COL23A1: variants seen among roughly 807,000 people sequenced by gnomAD.
The protein encoded by COL23A1 is collagen alpha-1(XXIII) chain.
In COL23A1, 97 loss-of-function variants were observed where a neutral mutation model predicts 99.3. The observed-to-expected ratio is 0.98, with a 90% confidence interval of 0.83 to 1.16. COL23A1 has a LOEUF of 1.16. Ranked by LOEUF, COL23A1 falls within the 50% of genes most tolerant of loss-of-function variation. The pLI, the probability that COL23A1 is intolerant of heterozygous loss-of-function variation, is 0.00. For synonymous variants in COL23A1, 320 were observed against 308.2 expected (o/e 1.04, Z -0.40); for missense variants, 762 against 757.4 (o/e 1.01, Z -0.07).
rs1290400787 is a variant in COL23A1 at position 178,523,185 on chromosome 5, T to C, written c.361+37497A>G. Among the ~76,000 whole-genome samples the C allele has an allele frequency of 8.5e-3, 407 of 48,158 alleles. 4 individuals are homozygous for C. The highest frequency in any genetic ancestry group is 0.014 in the African/African-American group (207 of 14,410). 31.6% of individuals were successfully genotyped at this position (48,158 alleles called of 152,430 possible). On this transcript the variant is annotated intron_variant, in intron 2 of 28. Coordinates refer to ENST00000390654, the MANE Select transcript of COL23A1 (RefSeq NM_173465.4). ...ATACATATATATATATATACACATA[T>C]ATATATATATATATATAGAGAGAGA... is the stretch of plus-strand genomic sequence containing the variant.
intron 2 of COL23A1, among the ~76,000 whole-genome samples, chr5:178,431,246 C>T (rs1454738597): frequency 1.3e-5 from 2 of 152,140 alleles, no homozygotes; most frequent in African/African-American, 4.8e-5. Context: ...CAGGAACTGC[C>T]CTCCTGTCAC....
chr5:178,256,776 A>C (rs1408452728), intron 14 of COL23A1, 90 bp downstream of exon 14: 2 of 1,321,052 alleles, frequency 1.5e-6, no homozygotes, highest in Non-Finnish European at 2.1e-6. Flanking sequence ...TAAAAGGGCA[A>C]ATGAGAGCTG....
chr5:178,556,997 A>G (rs996435695), intron 2 of COL23A1, among the ~76,000 whole-genome samples: 3 of 152,190 alleles, frequency 2.0e-5, no homozygotes, highest in African/African-American at 7.2e-5. Flanking sequence ...GTAAAATAAA[A>G]TAAGACACAG....
chr5:178,532,626 A>C (rs1454568745), intron 2 of COL23A1, among the ~76,000 whole-genome samples: 2 of 152,214 alleles, frequency 1.3e-5, no homozygotes, highest in East Asian at 3.8e-4. Context: ...GACACATGCA[A>C]GTGAATGGGC....
At chr5:178,245,300 TCATCCATCCATCCATCCATCCATC>T (rs144926160) in intron 25 of COL23A1, among the ~76,000 whole-genome samples, 1 of 133,238 alleles carries the variant, frequency 7.5e-6, no homozygotes, top group Non-Finnish European at 1.6e-5. Context: ...ACTGCCATCA[TCATCCATCCATCCATCCATCCATC>T]CATCCATCCA....
rs111308690 is a variant in COL23A1 at position 178,542,203 on chromosome 5, G to A, written c.361+18479C>T. ...CACAACCAACTAATTACAGGCACGC[G>A]CCACCACAACCAGCTAATTTTTGTA... On this transcript the variant is annotated intron_variant, in intron 2 of 28. Transcript: ENST00000390654. Among the ~76,000 whole-genome samples, 968 of 152,134 alleles carry A rather than the reference G, an allele frequency of 6.4e-3. 3 individuals are homozygous for A. The highest frequency in any genetic ancestry group is 0.011 in the Non-Finnish European group (771 of 67,988).
intron 2 of COL23A1, among the ~76,000 whole-genome samples, chr5:178,501,793 G>A (rs1422232187): frequency 1.3e-5 from 2 of 152,136 alleles, no homozygotes; most frequent in East Asian, 1.9e-4. Flanking sequence ...GCCCCACCTG[G>A]GGCACCACTG....
intron 2 of COL23A1, among the ~76,000 whole-genome samples, chr5:178,547,191 C>T (rs980715860): frequency 2.6e-5 from 4 of 151,600 alleles, no homozygotes; most frequent in East Asian, 1.9e-4. Flanking sequence ...GCAAGTACCC[C>T]GACAGTATCT....
At chr5:178,382,084 C>T (rs916069004) in intron 2 of COL23A1, among the ~76,000 whole-genome samples, 5 of 151,480 alleles carry the variant, frequency 3.3e-5, no homozygotes, top group African/African-American at 7.3e-5. Context: ...GTTCTCAGTC[C>T]GCACTGGAAT....
chr5:178,510,274 G>A (rs1759127049), intron 2 of COL23A1, among the ~76,000 whole-genome samples: 1 of 152,250 alleles, frequency 6.6e-6, no homozygotes, highest in South Asian at 2.1e-4. Context: ...GGGCATGGTG[G>A]CTCACGCCTG....
intron 2 of COL23A1, among the ~76,000 whole-genome samples, chr5:178,407,335 T>C (rs962347364): frequency 1.3e-5 from 2 of 152,246 alleles, no homozygotes; most frequent in African/African-American, 4.8e-5. Flanking sequence ...TCCCCCTTTA[T>C]CATCAGCATG....
intron 3 of COL23A1, among the ~76,000 whole-genome samples, chr5:178,295,885 T>C (rs1452001160): frequency 1.3e-5 from 2 of 152,268 alleles, no homozygotes; most frequent in African/African-American, 2.4e-5. Flanking sequence ...AAATGATCTG[T>C]AGACTTTTGT....
At position 178,257,559 on chromosome 5, in the gene COL23A1, A is replaced by G; in HGVS notation, c.738T>C (p.Asp246=). The change falls in exon 13 of 29, where the codon GAT becomes GAC. Residue 246 remains aspartate, a synonymous_variant. Coordinates refer to ENST00000390654, the MANE Select transcript of COL23A1 (RefSeq NM_173465.4). The stretch of plus-strand genomic sequence containing the variant: ...GTGGTCCAGGCTGGCTTGGTGTCCC[A>G]TCGTCGCCCTGAGGAGAGGACACCT... ...EPGVPGKKGD[D]GTPSQPGPPG... 6.4e-7 allele frequency: 1 copy of G among 1,560,312 alleles called. No individual in the cohort carries two copies. The highest frequency in any genetic ancestry group is 8.7e-7 in the Non-Finnish European group (1 of 1,152,164).
chr5:178,398,507 G>C (rs1245820827), intron 2 of COL23A1, among the ~76,000 whole-genome samples: 2 of 152,028 alleles, frequency 1.3e-5, no homozygotes, highest in African/African-American at 4.8e-5. Flanking sequence ...CGTGCCTATA[G>C]TCCCAGCTAC....
chr5:178,407,608 A>C (rs1764833053), intron 2 of COL23A1, among the ~76,000 whole-genome samples: 1 of 152,222 alleles, frequency 6.6e-6, no homozygotes, highest in African/African-American at 2.4e-5. Flanking sequence ...AAATGAAAAA[A>C]CAGAAAGTCT....
At chr5:178,540,700 T>C (rs904106577) in intron 2 of COL23A1, among the ~76,000 whole-genome samples, 1 of 152,122 alleles carries the variant, frequency 6.6e-6, no homozygotes, top group African/African-American at 2.4e-5. Flanking sequence ...CGTGGGAGGA[T>C]GGCTTGAGCC....
At chr5:178,569,335 C>G (rs932303677) in intron 1 of COL23A1, among the ~76,000 whole-genome samples, 1 of 152,136 alleles carries the variant, frequency 6.6e-6, no homozygotes, top group African/African-American at 2.4e-5. Context: ...TATTTTCTCA[C>G]GTAAATTCTT....
intron 16 of COL23A1, among the ~76,000 whole-genome samples, chr5:178,253,760 C>T (rs1264969955): frequency 2.0e-5 from 3 of 152,038 alleles, no homozygotes; most frequent in African/African-American, 4.8e-5. Context: ...GGATCACAGG[C>T]GGGAGCCGCC....
intron 2 of COL23A1, among the ~76,000 whole-genome samples, chr5:178,512,341 C>T (rs1759252530): frequency 6.6e-6 from 1 of 152,196 alleles, no homozygotes; most frequent in South Asian, 2.1e-4. Flanking sequence ...TTTATCTATA[C>T]ATTGAGACAA....
Sources: allele counts gnomAD v4.1 joint callset (sites outside exome capture counted in the v4.1 genomes callset), GRCh38; gene constraint gnomAD v4.1.1; transcripts MANE v1.5; gene names NCBI Gene and HGNC (gene_info 2026-07-23, HGNC 2026-07-21).